CLDN10: variants seen among roughly 807,000 people sequenced by gnomAD.
CLDN10 encodes claudin 10.
CLDN10 carries 15 observed loss-of-function variants against 22.9 expected under a neutral mutation model. That is an observed-to-expected ratio of 0.65 (90% CI 0.44 to 1.01). The LOEUF (loss-of-function observed/expected upper bound fraction) is 1.01. Ranked by LOEUF, CLDN10 falls within the 50% of genes least tolerant of loss-of-function variation. The pLI is 0.00. For synonymous variants in CLDN10, 114 were observed against 111.4 expected (o/e 1.02, Z -0.15); for missense variants, 247 against 287.8 (o/e 0.86, Z 1.03).
chr13:95,506,288 C>T (rs934035163), intron 1 of CLDN10, among the ~76,000 whole-genome samples: 3 of 152,178 alleles, frequency 2.0e-5, no homozygotes, highest in African/African-American at 4.8e-5. Flanking sequence ...CCTTCTGCTA[C>T]AGCAGCCTTC....
chr13:95,473,794 A>G (rs909042191), intron 1 of CLDN10, among the ~76,000 whole-genome samples: 1 of 152,188 alleles, frequency 6.6e-6, no homozygotes, highest in Non-Finnish European at 1.5e-5. Context: ...TCACCGGTGA[A>G]CTCATTTCAC....
In CLDN10 at chr13:95,496,290, G is replaced by T. The variant is rs150490087; in HGVS notation, c.214+62243G>T. ...AGTGTGTTCTTTGAGATATTCATAA[G>T]TGGGGAGATATTCCATAGTCAAAAA... On this transcript the variant is annotated intron_variant, in intron 1 of 4. Coordinates refer to the CLDN10 transcript ENST00000376873. 3.0e-3 allele frequency among the ~76,000 whole-genome samples: 451 copies of T among 152,330 alleles called. 3 individuals are homozygous for T. Among genetic ancestry groups the T allele is most frequent in the African/African-American group, 0.01 (426 of 41,574 alleles).
intron 1 of CLDN10, among the ~76,000 whole-genome samples, chr13:95,469,437 C>T (rs1234471299): frequency 6.6e-6 from 1 of 152,016 alleles, no homozygotes; most frequent in Non-Finnish European, 1.5e-5. Context: ...TAAATTCACT[C>T]ATGAAGCTTT....
intron 1 of CLDN10, among the ~76,000 whole-genome samples, chr13:95,459,078 T>A (rs2042509863): frequency 6.6e-6 from 1 of 152,226 alleles, no homozygotes; most frequent in African/African-American, 2.4e-5. Context: ...TTTGACGCCA[T>A]GTCCTACATC....
At chr13:95,572,815 C>T (rs557132861) in intron 3 of CLDN10, among the ~76,000 whole-genome samples, 1 of 152,342 alleles carries the variant, frequency 6.6e-6, no homozygotes, top group African/African-American at 2.4e-5. Context: ...CAATACCTGG[C>T]ATGTCATTTC....
intron 1 of CLDN10, among the ~76,000 whole-genome samples, chr13:95,516,149 A>G (rs960047574): frequency 1.3e-5 from 2 of 152,202 alleles, no homozygotes; most frequent in African/African-American, 2.4e-5. Flanking sequence ...TAAGTAAATA[A>G]TTGCTATGAA....
chr13:95,446,048 T>C (rs889175450), intron 1 of CLDN10, among the ~76,000 whole-genome samples: 1 of 151,954 alleles, frequency 6.6e-6, no homozygotes, highest in African/African-American at 2.4e-5. Context: ...GGAAAAAAAA[T>C]ATATAGGGCA....
intron 1 of CLDN10, among the ~76,000 whole-genome samples, chr13:95,477,762 G>A (rs116517399): frequency 0.011 from 1,741 of 152,182 alleles, 21 homozygotes; most frequent in African/African-American, 0.04. Flanking sequence ...CAGACTGAAC[G>A]AATCTGAATC....
chr13:95,485,087 A>C lies in CLDN10; in HGVS notation c.214+51040A>C, dbSNP rs2042791548. On this transcript the variant is annotated intron_variant, in intron 1 of 4. Transcript: ENST00000376873. ...GTCACATATGCTCATGGCCCAGGGA[A>C]GGACGACACTGCCCCACAGAGAGCC... Among the ~76,000 whole-genome samples, 3 of 152,060 alleles carry C rather than the reference A, an allele frequency of 2.0e-5. No individual in the cohort carries two copies. The South Asian group carries it at 6.2e-4, about 32-fold the overall frequency.
intron 1 of CLDN10, among the ~76,000 whole-genome samples, chr13:95,520,323 A>T (rs2043211624): frequency 6.6e-6 from 1 of 152,158 alleles, no homozygotes. Context: ...ATTTATTTTA[A>T]ATTTTATTTC....
intron 1 of CLDN10, among the ~76,000 whole-genome samples, chr13:95,546,980 A>G (rs373116534): frequency 6.6e-6 from 1 of 151,412 alleles, no homozygotes; most frequent in East Asian, 1.9e-4. Context: ...TTTTAGAGAC[A>G]GGCAGGCTGG....
chr13:95,533,466 A>G (rs2043367949), intron 1 of CLDN10, among the ~76,000 whole-genome samples: 1 of 152,212 alleles, frequency 6.6e-6, no homozygotes, highest in African/African-American at 2.4e-5. Flanking sequence ...CCCCTAATAC[A>G]TTTCACAGAA....
intron 1 of CLDN10, among the ~76,000 whole-genome samples, chr13:95,503,704 C>T (rs957073434): frequency 2.0e-5 from 3 of 152,148 alleles, no homozygotes; most frequent in Admixed American, 6.6e-5. Context: ...ATACATGAAT[C>T]TTAAGGATGT....
At chr13:95,497,964 A>G (rs754519074) in intron 1 of CLDN10, among the ~76,000 whole-genome samples, 17 of 152,234 alleles carry the variant, frequency 1.1e-4, no homozygotes, top group Non-Finnish European at 2.4e-4. Context: ...TAAAATAAAA[A>G]CACAACAAAA....
At chr13:95,473,139 CA>C (rs765295179) in intron 1 of CLDN10, among the ~76,000 whole-genome samples, 3,452 of 58,752 alleles carry the variant, frequency 0.059, 68 homozygotes, top group Middle Eastern at 0.14. Context: ...AAACCTATCT[CA>C]AAAAAAAAAA....
rs371130174 is a variant in CLDN10 at position 95,568,797 on chromosome 13, T to C, written c.464+8334T>C. On this transcript the variant is annotated intron_variant, in intron 3 of 4. Transcript: ENST00000299339. Reference sequence around the variant, plus strand: ...GTAGGACTGTCTGTCTGTCTGCATATCTCCTAGAATGGTAAGACGGAGTGT... The same window carrying C: ...GTAGGACTGTCTGTCTGTCTGCATACCTCCTAGAATGGTAAGACGGAGTGT... Among the ~76,000 whole-genome samples the C allele has an allele frequency of 1.3e-4, 20 of 152,222 alleles. No homozygotes were observed. The East Asian group carries it at 1.7e-3, about 13-fold the overall frequency.
intron 1 of CLDN10, among the ~76,000 whole-genome samples, chr13:95,545,309 C>G (rs561972978): frequency 6.6e-6 from 1 of 151,594 alleles, no homozygotes; most frequent in Non-Finnish European, 1.5e-5. Context: ...TTTGGGAGGC[C>G]AAGGCAGGCA....
At chr13:95,509,554 A>T (rs1304348858) in intron 1 of CLDN10, among the ~76,000 whole-genome samples, 8 of 152,254 alleles carry the variant, frequency 5.3e-5, no homozygotes, top group Non-Finnish European at 1.2e-4. Context: ...GAAACAAGTG[A>T]CTGGGTGACA....
chr13:95,537,283 G>A (rs553477860), intron 1 of CLDN10, among the ~76,000 whole-genome samples: 1 of 152,058 alleles, frequency 6.6e-6, no homozygotes, highest in Non-Finnish European at 1.5e-5. Flanking sequence ...ATCAGTTTTG[G>A]GGGGGTTGTT....
Sources: gnomAD v4.1 joint callset for allele counts (sites outside exome capture counted in the v4.1 genomes callset) on GRCh38, gnomAD v4.1.1 for gene constraint, MANE v1.5 for transcripts, NCBI Gene and HGNC (gene_info 2026-07-23, HGNC 2026-07-21) for gene names.